Variants in IFNG-AS1 observed in about 807,000 individuals in gnomAD.
The protein encoded by IFNG-AS1 is IFNG antisense RNA 1 (non-protein coding).
chr12:68,016,113 A>T (rs1880150561), intron 3 of IFNG-AS1, among the ~76,000 whole-genome samples: 1 of 152,192 alleles, frequency 6.6e-6, no homozygotes, highest in African/African-American at 2.4e-5. Context: ...TTATGCATTT[A>T]GTCATCATAA....
chr12:68,002,097 C>T (rs1471024669), intron 2 of IFNG-AS1, among the ~76,000 whole-genome samples: 2 of 152,154 alleles, frequency 1.3e-5, no homozygotes, highest in African/African-American at 4.8e-5. Flanking sequence ...AAAAATATTA[C>T]CTGGTTAATG....
chr12:67,999,796 C>A (rs537458159), intron 2 of IFNG-AS1, among the ~76,000 whole-genome samples: 1 of 152,254 alleles, frequency 6.6e-6, no homozygotes, highest in East Asian at 1.9e-4. Flanking sequence ...GTCCTAAAGT[C>A]TCTCTCTACG....
chr12:67,994,098 G>A (rs1452736202), intron 1 of IFNG-AS1, among the ~76,000 whole-genome samples: 1 of 152,224 alleles, frequency 6.6e-6, no homozygotes, highest in Non-Finnish European at 1.5e-5. Flanking sequence ...TGGGAGGCAT[G>A]TCAGTAGAGG....
At chr12:68,003,973 C>T (rs1388642303) in intron 2 of IFNG-AS1, among the ~76,000 whole-genome samples, 2 of 128,404 alleles carry the variant, frequency 1.6e-5, no homozygotes, top group Non-Finnish European at 1.6e-5. Flanking sequence ...TTGTATGTGG[C>T]AACAGTTTGT....
chr12:68,009,944 A>T (rs1368782574), intron 3 of IFNG-AS1, among the ~76,000 whole-genome samples: 3 of 152,232 alleles, frequency 2.0e-5, no homozygotes, highest in Non-Finnish European at 4.4e-5. Context: ...CAACTTCCAA[A>T]ATTAAGAAAT....
intron 1 of IFNG-AS1, among the ~76,000 whole-genome samples, chr12:67,993,687 A>C (rs1007676304): frequency 2.0e-5 from 3 of 152,214 alleles, no homozygotes; most frequent in Admixed American, 6.5e-5. Context: ...AAATGATTAG[A>C]ACAAAAGGCA....
chr12:68,015,475 A>G (rs1300581744), intron 3 of IFNG-AS1, among the ~76,000 whole-genome samples: 2 of 152,042 alleles, frequency 1.3e-5, no homozygotes, highest in African/African-American at 4.8e-5. Flanking sequence ...CAGAGGCTTC[A>G]CCTTCTCATC....
At chr12:68,011,831 C>T (rs951872217) in intron 3 of IFNG-AS1, among the ~76,000 whole-genome samples, 6 of 152,192 alleles carry the variant, frequency 3.9e-5, no homozygotes, top group African/African-American at 1.4e-4. Flanking sequence ...CCTGCTCAGC[C>T]TACAAGGCAA....
At chr12:67,997,424 A>T (rs974773436) in intron 2 of IFNG-AS1, among the ~76,000 whole-genome samples, 1 of 152,096 alleles carries the variant, frequency 6.6e-6, no homozygotes, top group Non-Finnish European at 1.5e-5. Context: ...TGGTTCTGGG[A>T]CAACTGGATA....
At chr12:68,009,374 G>A (rs747307352) in intron 3 of IFNG-AS1, among the ~76,000 whole-genome samples, 49 of 152,128 alleles carry the variant, frequency 3.2e-4, no homozygotes, top group Non-Finnish European at 5.4e-4. Flanking sequence ...AGACAGTCTC[G>A]CTCTGTTGCC....
intron 2 of IFNG-AS1, among the ~76,000 whole-genome samples, chr12:67,997,722 TA>T (rs149102029): frequency 6.6e-6 from 1 of 151,428 alleles, no homozygotes; most frequent in African/African-American, 2.4e-5. Flanking sequence ...AAACAAACTT[TA>T]AAAAAATGCT....
intron 1 of IFNG-AS1, among the ~76,000 whole-genome samples, chr12:67,992,835 G>A (rs1328066077): frequency 2.6e-5 from 4 of 152,338 alleles, no homozygotes; most frequent in South Asian, 4.1e-4. Context: ...GTTTGCAAAA[G>A]TAGAGATAAT....
At chr12:67,999,055 T>C (rs1318363944) in intron 2 of IFNG-AS1, among the ~76,000 whole-genome samples, 7 of 152,124 alleles carry the variant, frequency 4.6e-5, no homozygotes, top group African/African-American at 1.7e-4. Context: ...ACTGTAATAC[T>C]GGACTGAAAT....
chr12:68,000,503 A>T (rs1264839027), intron 2 of IFNG-AS1, among the ~76,000 whole-genome samples: 1 of 152,076 alleles, frequency 6.6e-6, no homozygotes. Context: ...CCCTATCTCT[A>T]TAGAAATAAA....
At chr12:67,995,274 AGC>A (rs1373558657) in intron 1 of IFNG-AS1, among the ~76,000 whole-genome samples, 12 of 151,392 alleles carry the variant, frequency 7.9e-5, no homozygotes, top group East Asian at 5.8e-4. Flanking sequence ...TACAAAAACT[AGC>A]TGGGCATGGT....
intron 1 of IFNG-AS1, among the ~76,000 whole-genome samples, chr12:67,991,490 C>T (rs761732157): frequency 6.6e-6 from 1 of 152,170 alleles, no homozygotes; most frequent in Non-Finnish European, 1.5e-5. Flanking sequence ...TCCAGACAGA[C>T]CCCCGATGCA....
chr12:68,004,469 T>C (rs954187993), intron 2 of IFNG-AS1, among the ~76,000 whole-genome samples: 1 of 152,292 alleles, frequency 6.6e-6, no homozygotes, highest in East Asian at 1.9e-4. Flanking sequence ...TATAATCGTG[T>C]GGTAGCAAGG....
intron 1 of IFNG-AS1, among the ~76,000 whole-genome samples, chr12:67,991,283 C>T (rs1879505733): frequency 6.6e-6 from 1 of 152,284 alleles, no homozygotes; most frequent in African/African-American, 2.4e-5. Flanking sequence ...ACGGCACATG[C>T]TAAGTGGCAG....
At chr12:67,990,781 A>G (rs113978873) in intron 1 of IFNG-AS1, among the ~76,000 whole-genome samples, 12,493 of 151,984 alleles carry the variant, frequency 0.082, 654 homozygotes, top group African/African-American at 0.12. Context: ...TTTAGTAGAG[A>G]TGGGGTTTCC....
Sources: allele counts gnomAD v4.1 joint callset (sites outside exome capture counted in the v4.1 genomes callset), GRCh38; gene constraint gnomAD v4.1.1; transcripts MANE v1.5; gene names NCBI Gene and HGNC (gene_info 2026-07-23, HGNC 2026-07-21).